MELK: variants seen among roughly 807,000 people sequenced by gnomAD.
MELK encodes maternal embryonic leucine zipper kinase, also known as pEg3 kinase.
A neutral mutation model predicts 85.0 loss-of-function variants in MELK; 81 were observed. That is an observed-to-expected ratio of 0.95 (90% CI 0.80 to 1.15). The LOEUF is 1.15. Ranked by LOEUF, MELK falls within the 50% of genes most tolerant of loss-of-function variation. MELK has a pLI of 0.00. For missense variants in MELK, 754 were observed against 777.5 expected, an observed-to-expected ratio of 0.97 and a Z score of 0.36; for synonymous variants, 252 against 265.0, an observed-to-expected ratio of 0.95 and a Z score of 0.48.
At chr9:36,581,803 G>A in intron 2 of MELK, 64 bp downstream of exon 2, 3 of 1,366,974 alleles carry the variant, frequency 2.2e-6, no homozygotes, top group Middle Eastern at 1.8e-4. Context: ...AGATTATTTG[G>A]GTAGGTGTGA....
rs1564138926 is a variant in MELK at position 36,596,586 on chromosome 9, TTTTG to T, written c.406-632_406-629del. 4.2e-4 allele frequency among the ~76,000 whole-genome samples: 46 copies of T among 109,346 alleles called. 5 individuals are homozygous for T. The highest frequency in any genetic ancestry group is 2.3e-3 in the African/African-American group (43 of 18,578). The allele number at this position is 109,346 out of a possible 152,430, so 71.7% of individuals were successfully genotyped here. On this transcript the variant is annotated intron_variant, in intron 5 of 17. Transcript: ENST00000298048. The stretch of plus-strand genomic sequence containing the variant: ...TTGTTTTTTTTGTTTTTTTTGTTTT[TTTTG>T]TTTTTTTTTTTTTGAGATGGAGTTT...
At chr9:36,609,449 T>TC (rs1276158702) in intron 8 of MELK, among the ~76,000 whole-genome samples, 24 of 144,250 alleles carry the variant, frequency 1.7e-4, no homozygotes, top group Admixed American at 2.8e-4. Flanking sequence ...TTCTTCTTCT[T>TC]TTTTTTTTTT....
intron 8 of MELK, among the ~76,000 whole-genome samples, chr9:36,608,638 A>G (rs1367000494): frequency 3.3e-5 from 5 of 151,884 alleles, no homozygotes; most frequent in Non-Finnish European, 4.4e-5. Context: ...CTAGAGTGCA[A>G]TGGTGCGATC....
At chr9:36,665,273 C>T (rs987597041) in intron 13 of MELK, 77 bp from the exon 14 acceptor site, 3 of 834,398 alleles carry the variant, frequency 3.6e-6, no homozygotes, top group Non-Finnish European at 5.7e-6. Flanking sequence ...AGGTAGTTTG[C>T]AAATGATCAA....
intron 12 of MELK, among the ~76,000 whole-genome samples, chr9:36,656,132 G>A (rs981406821): frequency 3.3e-5 from 5 of 152,142 alleles, no homozygotes; most frequent in Admixed American, 2.0e-4. Flanking sequence ...TTTTGGTGGC[G>A]TTGTTAGCGC....
At chr9:36,641,583 C>T (rs530955344) in intron 10 of MELK, among the ~76,000 whole-genome samples, 8 of 149,028 alleles carry the variant, frequency 5.4e-5, no homozygotes, top group Admixed American at 2.7e-4. Flanking sequence ...ATCCCTCACT[C>T]GGGCTGCCAT....
At chr9:36,608,076 C>G (rs986904438) in intron 8 of MELK, among the ~76,000 whole-genome samples, 1 of 151,838 alleles carries the variant, frequency 6.6e-6, no homozygotes, top group African/African-American at 2.4e-5. Flanking sequence ...GTCAGGAGAT[C>G]GAGACCATCC....
chr9:36,662,416 G>T (rs1248938769), intron 13 of MELK, among the ~76,000 whole-genome samples: 1 of 151,838 alleles, frequency 6.6e-6, no homozygotes, highest in Admixed American at 6.6e-5. Context: ...GCTAATTTTT[G>T]TATTTTTAGT....
chr9:36,584,717 A>G (rs1239789553), intron 3 of MELK, among the ~76,000 whole-genome samples: 1 of 144,320 alleles, frequency 6.9e-6, no homozygotes, highest in Non-Finnish European at 1.5e-5. Flanking sequence ...ATTATGTCCT[A>G]GCTTTTTTTT....
chr9:36,588,503 C>G (rs1453158561), intron 3 of MELK, among the ~76,000 whole-genome samples: 2 of 151,056 alleles, frequency 1.3e-5, no homozygotes, highest in Non-Finnish European at 1.5e-5. Flanking sequence ...CCTCAGCCTC[C>G]CGAGTAGCTG....
intron 9 of MELK, among the ~76,000 whole-genome samples, chr9:36,631,121 G>A (rs1828564630): frequency 6.6e-6 from 1 of 151,416 alleles, no homozygotes; most frequent in South Asian, 2.1e-4. Context: ...GTGCCACTAT[G>A]CCTGGCTAGT....
At chr9:36,578,538 T>C (rs1484790653) in intron 1 of MELK, among the ~76,000 whole-genome samples, 1 of 151,732 alleles carries the variant, frequency 6.6e-6, no homozygotes, top group Non-Finnish European at 1.5e-5. Context: ...AGTCTCAGAG[T>C]GAGTTGAAAG....
Position 36,619,104 on chromosome 9 carries a change from G to A in MELK, c.667-11195G>A, listed in dbSNP as rs192307121. 2.2e-4 allele frequency among the ~76,000 whole-genome samples: 33 copies of A among 152,112 alleles called. No individual in the cohort carries two copies. The East Asian group carries it at 3.1e-3, about 14-fold the overall frequency. ...CTCCCAAGTAGCTGGGATTACAGGC[G>A]TGTACCACTACACCTGGCTAATTTT... On this transcript the variant is annotated intron_variant, in intron 8 of 17. Transcript: ENST00000298048.
rs1020558711 is a variant in MELK, at chr9:36,649,493, C to T, written c.922-2253C>T. On this transcript the variant is annotated intron_variant, in intron 11 of 17. Transcript: ENST00000298048. ...CAGAGCAAAGTAGAACAGCTAGGCACGGTGGCTTACGCCTGTAAACCCAGC... is the reference window on the plus strand; with the variant it reads ...CAGAGCAAAGTAGAACAGCTAGGCATGGTGGCTTACGCCTGTAAACCCAGC... Among the ~76,000 whole-genome samples, 6 of 151,014 alleles carry T rather than the reference C, an allele frequency of 4.0e-5. No individual in the cohort carries two copies. In the South Asian group the frequency reaches 1.0e-3, roughly 26 times the overall value.
intron 12 of MELK, among the ~76,000 whole-genome samples, chr9:36,655,142 A>G (rs771179500): frequency 9.2e-5 from 14 of 152,210 alleles, no homozygotes; most frequent in Non-Finnish European, 1.8e-4. Context: ...GCTGGGAAAC[A>G]TATCTGTGTA....
intron 10 of MELK, among the ~76,000 whole-genome samples, chr9:36,638,526 C>G (rs760690979): frequency 2.0e-5 from 3 of 152,078 alleles, no homozygotes; most frequent in Non-Finnish European, 4.4e-5. Context: ...CTCAGGTGAT[C>G]GGCCGACCTC....
At chr9:36,619,877 TGCATATCTTTGTG>T (rs1421954042) in intron 8 of MELK, among the ~76,000 whole-genome samples, 5 of 152,242 alleles carry the variant, frequency 3.3e-5, no homozygotes, top group African/African-American at 1.2e-4. Flanking sequence ...GTGTGTGTGT[TGCATATCTTTGTG>T]GCTATTGCAC....
chr9:36,598,349 C>T (rs1048826360), intron 6 of MELK, among the ~76,000 whole-genome samples: 49 of 152,178 alleles, frequency 3.2e-4, no homozygotes, highest in African/African-American at 1.2e-3. Flanking sequence ...TAGACACCAT[C>T]TAAGGAAAGT....
chr9:36,640,597 C>T (rs1829667253), intron 10 of MELK, among the ~76,000 whole-genome samples: 2 of 152,102 alleles, frequency 1.3e-5, no homozygotes, highest in Non-Finnish European at 2.9e-5. Flanking sequence ...CGCATGTGAG[C>T]CATCGCACCT....
Sources: gnomAD v4.1 joint callset for allele counts (sites outside exome capture counted in the v4.1 genomes callset) on GRCh38, gnomAD v4.1.1 for gene constraint, MANE v1.5 for transcripts, NCBI Gene and HGNC (gene_info 2026-07-23, HGNC 2026-07-21) for gene names.